Variants in HHAT observed in about 807,000 individuals in gnomAD.
HHAT encodes protein-cysteine N-palmitoyltransferase HHAT.
In HHAT, 47 loss-of-function variants were observed where a neutral mutation model predicts 70.8. The observed-to-expected ratio is 0.66, with a 90% CI of 0.53 to 0.85. The LOEUF is 0.85. HHAT is among the 40% of genes least tolerant of loss of function. HHAT has a pLI of 0.00. For missense variants in HHAT, 609 were observed against 604.8 expected, an observed-to-expected ratio of 1.01 and a Z score of -0.07; for synonymous variants, 228 against 247.6, an observed-to-expected ratio of 0.92 and a Z score of 0.74.
intron 3 of HHAT, among the ~76,000 whole-genome samples, chr1:210,380,878 A>C (rs2090583755): frequency 6.6e-6 from 1 of 152,002 alleles, no homozygotes; most frequent in African/African-American, 2.4e-5. Flanking sequence ...ACGACGATGG[A>C]AGGGTGGACA....
intron 11 of HHAT, among the ~76,000 whole-genome samples, chr1:210,624,797 A>C (rs766132917): frequency 1.3e-5 from 2 of 152,316 alleles, no homozygotes; most frequent in African/African-American, 2.4e-5. Context: ...ACATACTACT[A>C]TAGCCAACTT....
At chr1:210,421,446 A>G (rs542380481) in intron 7 of HHAT, among the ~76,000 whole-genome samples, 1 of 152,098 alleles carries the variant, frequency 6.6e-6, no homozygotes, top group Non-Finnish European at 1.5e-5. Context: ...ACTTTGGTAT[A>G]TCATTTCTTA....
In HHAT at chr1:210,491,128, G is replaced by A. The variant is rs562259318; in HGVS notation, c.1008-22025G>A. ...TTGAAAGTGGGAAGAAATGGTGGAG[G>A]GGCAGTGATTTATGTGCTGCTAAGT... On this transcript the variant is annotated intron_variant, in intron 8 of 11. Transcript: ENST00000261458. Among the ~76,000 whole-genome samples, 5 of 151,872 alleles carry A rather than the reference G, an allele frequency of 3.3e-5. 1 individual carries two copies. Among genetic ancestry groups the A allele is most frequent in the South Asian group, 2.1e-4 (1 of 4,782 alleles).
At chr1:210,352,027 A>G (rs1455726246) in intron 2 of HHAT, among the ~76,000 whole-genome samples, 1 of 152,212 alleles carries the variant, frequency 6.6e-6, no homozygotes, top group East Asian at 1.9e-4. Flanking sequence ...GAGGCTCAAA[A>G]GTATTACTTG....
At chr1:210,595,371 G>A (rs889947608) in intron 10 of HHAT, among the ~76,000 whole-genome samples, 12 of 152,134 alleles carry the variant, frequency 7.9e-5, no homozygotes, top group Non-Finnish European at 1.6e-4. Flanking sequence ...ATCATTGTTG[G>A]ACATTTGGGT....
intron 6 of HHAT, among the ~76,000 whole-genome samples, chr1:210,411,006 C>T (rs560756133): frequency 9.9e-5 from 15 of 152,220 alleles, no homozygotes; most frequent in African/African-American, 3.4e-4. Flanking sequence ...TATTAAGAAG[C>T]CAATGCATGA....
chr1:210,533,736 T>C (rs1264520547), intron 9 of HHAT, among the ~76,000 whole-genome samples: 1 of 152,234 alleles, frequency 6.6e-6, no homozygotes, highest in Non-Finnish European at 1.5e-5. Context: ...TCTGTAGTCC[T>C]GCCAAGGAAG....
intron 11 of HHAT, among the ~76,000 whole-genome samples, chr1:210,636,361 A>G (rs866636811): frequency 5.3e-5 from 8 of 152,062 alleles, no homozygotes; most frequent in Non-Finnish European, 1.2e-4. Context: ...TAACCTGAGG[A>G]TGATTATGAT....
At chr1:210,579,068 G>C (rs1658577496) in intron 9 of HHAT, among the ~76,000 whole-genome samples, 1 of 152,134 alleles carries the variant, frequency 6.6e-6, no homozygotes, top group African/African-American at 2.4e-5. Context: ...CACACTGCAT[G>C]TTCTCACTTA....
At chr1:210,565,955 C>A (rs57610416) in intron 9 of HHAT, among the ~76,000 whole-genome samples, 1 of 152,114 alleles carries the variant, frequency 6.6e-6, no homozygotes. Flanking sequence ...CTAGCTCTAG[C>A]GTCCTCTGTG....
chr1:210,562,696 G>A (rs1480593498), intron 9 of HHAT, among the ~76,000 whole-genome samples: 1 of 150,962 alleles, frequency 6.6e-6, no homozygotes, highest in Admixed American at 6.6e-5. Flanking sequence ...GAGTACATGT[G>A]CACAATGTGC....
chr1:210,470,596 T>G (rs561640722), intron 8 of HHAT, among the ~76,000 whole-genome samples: 7 of 152,352 alleles, frequency 4.6e-5, no homozygotes, highest in Admixed American at 3.9e-4. Context: ...TGGATTTATT[T>G]TTGCTTCACA....
chr1:210,661,869 G>T (rs1229863080), intron 11 of HHAT, among the ~76,000 whole-genome samples: 1 of 152,098 alleles, frequency 6.6e-6, no homozygotes, highest in African/African-American at 2.4e-5. Flanking sequence ...AGCATTAGGA[G>T]AAATACCTAA....
intron 9 of HHAT, among the ~76,000 whole-genome samples, chr1:210,560,651 A>C (rs1036678138): frequency 6.9e-6 from 1 of 144,276 alleles, no homozygotes; most frequent in African/African-American, 2.5e-5. Context: ...ATCTCTACCA[A>C]AAAAAAAAAA....
chr1:210,511,233 T>G (rs2094947247), intron 8 of HHAT, among the ~76,000 whole-genome samples: 1 of 152,150 alleles, frequency 6.6e-6, no homozygotes, highest in Non-Finnish European at 1.5e-5. Flanking sequence ...AGATCTCTCC[T>G]TAGAGAAGAG....
intron 4 of HHAT, among the ~76,000 whole-genome samples, chr1:210,392,144 C>T (rs1038625464): frequency 6.6e-5 from 10 of 152,196 alleles, no homozygotes; most frequent in Non-Finnish European, 1.3e-4. Context: ...GCTGGGATTA[C>T]AGGCATGAGC....
chr1:210,520,920 A>G (rs1427136587), intron 9 of HHAT, among the ~76,000 whole-genome samples: 2 of 152,176 alleles, frequency 1.3e-5, no homozygotes, highest in Non-Finnish European at 2.9e-5. Flanking sequence ...CCTAAGGAGA[A>G]TGTCTTGATA....
intron 7 of HHAT, among the ~76,000 whole-genome samples, chr1:210,463,251 A>G (rs1311284230): frequency 1.3e-5 from 2 of 151,402 alleles, no homozygotes; most frequent in Non-Finnish European, 2.9e-5. Context: ...GATATGATTC[A>G]CCTATCACCA....
intron 8 of HHAT, among the ~76,000 whole-genome samples, chr1:210,496,677 C>G (rs1572845065): frequency 6.6e-6 from 1 of 152,192 alleles, no homozygotes. Flanking sequence ...CAGAGGTGTA[C>G]ATTAGCTAGC....
Sources: gnomAD v4.1 joint callset for allele counts (sites outside exome capture counted in the v4.1 genomes callset) on GRCh38, gnomAD v4.1.1 for gene constraint, MANE v1.5 for transcripts, NCBI Gene and HGNC (gene_info 2026-07-23, HGNC 2026-07-21) for gene names.